Variants in SLC6A3 observed in about 807,000 individuals in gnomAD.
SLC6A3 encodes the protein sodium-dependent dopamine transporter.
SLC6A3 carries 19 observed loss-of-function variants against 70.4 expected under a neutral mutation model. That is an observed-to-expected ratio of 0.27 (90% confidence interval 0.19 to 0.40). SLC6A3 has a LOEUF of 0.40. SLC6A3 is among the 10% of genes least tolerant of loss of function. The pLI, the probability that SLC6A3 is intolerant of heterozygous loss-of-function variation, is 1.00. For synonymous variants in SLC6A3, 368 were observed against 356.6 expected (o/e 1.03, Z -0.36); for missense variants, 613 against 838.5 (o/e 0.73, Z 3.32).
intron 2 of SLC6A3, among the ~76,000 whole-genome samples, chr5:1,441,702 T>G (rs1393689414): frequency 6.6e-6 from 1 of 151,920 alleles, no homozygotes; most frequent in Non-Finnish European, 1.5e-5. Context: ...TGGATCCCCT[T>G]GTCATTGCGC....
rs369433177 is a variant in SLC6A3, at chr5:1,415,235, C to T, written c.1032-420G>A. Reference sequence around the variant, plus strand: ...TGAACTCCCAAGGGCGCTGGTGCTGCGGGCCTGGGGGCCCCACTCTGAGGG... The same window carrying T: ...TGAACTCCCAAGGGCGCTGGTGCTGTGGGCCTGGGGGCCCCACTCTGAGGG... On this transcript the variant is annotated intron_variant, in intron 7 of 14. Coordinates refer to ENST00000270349, the MANE Select transcript of SLC6A3 (RefSeq NM_001044.5). 4.6e-5 allele frequency among the ~76,000 whole-genome samples: 7 copies of T among 152,110 alleles called. No homozygotes were observed. The East Asian group carries it at 5.8e-4, about 13-fold the overall frequency.
chr5:1,428,367 G>C (rs1013397856), intron 4 of SLC6A3, among the ~76,000 whole-genome samples: 1 of 152,086 alleles, frequency 6.6e-6, no homozygotes, highest in African/African-American at 2.4e-5. Flanking sequence ...CAAATTAATA[G>C]CTTTAATTTA....
At position 1,413,933 on chromosome 5, in the gene SLC6A3, G is replaced by A. The variant is rs1473880722; in HGVS notation, c.1156+758C>T. ...CTCCATCCTGCCTGGCACACTTCTT[G>A]CTGTGGCCAAGGCCTCCCCCCACCA... On this transcript the variant is annotated intron_variant, in intron 8 of 14. Transcript: ENST00000270349. The surrounding 1 kb of genome is among the most constrained non-coding windows in gnomAD (Gnocchi z 7.1). Among the ~76,000 whole-genome samples the A allele has an allele frequency of 1.3e-5, 2 of 152,162 alleles. No homozygotes were observed. Among genetic ancestry groups the A allele is most frequent in the African/African-American group, 4.8e-5 (2 of 41,434 alleles).
rs998428009 is a variant in SLC6A3, at chr5:1,405,772, C to T, written c.1599+416G>A. On this transcript the variant is annotated intron_variant, in intron 12 of 14. Coordinates refer to ENST00000270349, the MANE Select transcript of SLC6A3 (RefSeq NM_001044.5). The surrounding 1 kb of genome is among the most constrained non-coding windows in gnomAD (Gnocchi z 5.3). ...AGGGAGGCTTGCGTGAGCAACGGGACAGGGCCGAGGCCCCTGCTGCTCTCA... is the reference window on the plus strand; with the variant it reads ...AGGGAGGCTTGCGTGAGCAACGGGATAGGGCCGAGGCCCCTGCTGCTCTCA... 5.3e-5 allele frequency among the ~76,000 whole-genome samples: 8 copies of T among 152,248 alleles called. No individual in the cohort carries two copies. Among genetic ancestry groups the T allele is most frequent in the African/African-American group, 1.9e-4 (8 of 41,476 alleles).
chr5:1,443,405 C>G (rs1335449911), intron 1 of SLC6A3, among the ~76,000 whole-genome samples, 163 bp from the exon 2 acceptor site: 1 of 152,210 alleles, frequency 6.6e-6, no homozygotes. Flanking sequence ...ACAGCTGGGG[C>G]ACGGGAGCTG....
Position 1,402,831 on chromosome 5 carries a change from C to G in SLC6A3, c.1767+91G>C. The G allele has an allele frequency of 7.6e-7, 1 of 1,320,990 alleles. No individual in the cohort carries two copies. The highest frequency in any genetic ancestry group is 1.1e-6 in the Non-Finnish European group (1 of 933,672). The allele number at this position is 1,320,990 out of a possible 1,614,324, so 81.8% of individuals were successfully genotyped here. ...GTCTCCTCCTCTTGGTCACAGATGA[C>G]CCAGGCAGGTGAGGACTGGGGCCAT... On this transcript the variant is annotated intron_variant, in intron 13 of 14. Coordinates refer to ENST00000270349, the MANE Select transcript of SLC6A3 (RefSeq NM_001044.5). This position sits in a 1 kb window ranked among gnomAD's most constrained non-coding sequence, Gnocchi z 8.5.
Position 1,411,446 on chromosome 5 carries a change from C to T in SLC6A3, c.1157-91G>A, listed in dbSNP as rs1560911071. ...CCCCGCCCCGAGAAGCATGGCCTGCCACAGGCCTGTAGAGACTAGGGCTGG... is the reference window on the plus strand; with the variant it reads ...CCCCGCCCCGAGAAGCATGGCCTGCTACAGGCCTGTAGAGACTAGGGCTGG... On this transcript the variant is annotated intron_variant, in intron 8 of 14. Transcript: ENST00000270349. This position sits in a 1 kb window ranked among gnomAD's most constrained non-coding sequence, Gnocchi z 6.5. 3 of 938,958 alleles carry T rather than the reference C, an allele frequency of 3.2e-6. No individual in the cohort carries two copies. 58.2% of individuals were successfully genotyped at this position (938,958 alleles called of 1,614,324 possible). A position where few individuals can be genotyped will look rare whatever the true frequency, so the allele number is the denominator to read the frequency against.
chr5:1,441,326 G>A lies in SLC6A3; in HGVS notation c.418+33C>T, dbSNP rs774687401. 4.3e-6 allele frequency: 7 copies of A among 1,613,876 alleles called. No homozygotes were observed. In the South Asian group the frequency reaches 6.6e-5, roughly 15 times the overall value. On this transcript the variant is annotated intron_variant, in intron 3 of 14. Transcript: ENST00000270349. ...CAGCGTCACCACCATGATCCGCGCT[G>A]CGCCAGGGTGAAGGGAGGCACCCGC...
intron 10 of SLC6A3, 92 bp from the exon 11 acceptor site, chr5:1,409,217 C>G (rs1756056746): frequency 2.1e-6 from 2 of 943,550 alleles, no homozygotes; most frequent in South Asian, 2.8e-5. Context: ...AATTGTTTCA[C>G]TCACTGCAAA....
intron 4 of SLC6A3, among the ~76,000 whole-genome samples, chr5:1,431,111 C>T (rs940320875): frequency 2.6e-5 from 4 of 152,262 alleles, no homozygotes; most frequent in African/African-American, 9.6e-5. Flanking sequence ...AAGAGTCCGC[C>T]TGTCAGAACG....
At position 1,409,721 on chromosome 5, in the gene SLC6A3, G is replaced by A. The variant is rs2270912; in HGVS notation, c.1398C>T (p.Asn466=). 1,590 of 1,613,260 alleles carry A rather than the reference G, an allele frequency of 9.9e-4. 8 individuals carry two copies. In the East Asian group the frequency reaches 0.016, roughly 16 times the overall value. ...AGGCGAAGCCGGCGATGGTACGTAC[G>A]TTGGTGACGCAGAACAGGGACAGGA... ...TFLLSLFCVT[N]GGIYVFTLLD... The change falls in exon 10 of 15, where the codon AAC becomes AAT. Residue 466 remains asparagine (N), a splice_region_variant and synonymous_variant. Coordinates refer to ENST00000270349, the MANE Select transcript of SLC6A3 (RefSeq NM_001044.5).
rs1021619267 is a variant in SLC6A3, at chr5:1,406,403, C to T, written c.1499-115G>A. On this transcript the variant is annotated intron_variant, in intron 11 of 14. Transcript: ENST00000270349. The surrounding 1 kb of genome is among the most constrained non-coding windows in gnomAD (Gnocchi z 8.8). ...GGCCCCACCTACCGGCCCCAGGCTTCGGCTGCACCCAGCCTCCTGCAGAGG... is the reference window on the plus strand; with the variant it reads ...GGCCCCACCTACCGGCCCCAGGCTTTGGCTGCACCCAGCCTCCTGCAGAGG... 25 of 895,016 alleles carry T rather than the reference C, an allele frequency of 2.8e-5. No homozygotes were observed. The highest frequency in any genetic ancestry group is 2.2e-4 in the Middle Eastern group (1 of 4,580). 55.4% of individuals were successfully genotyped at this position (895,016 alleles called of 1,614,324 possible). A position where few individuals can be genotyped will look rare whatever the true frequency, so the allele number is the denominator to read the frequency against.
chr5:1,407,822 T>C (rs1195832109), intron 11 of SLC6A3, among the ~76,000 whole-genome samples: 1 of 152,206 alleles, frequency 6.6e-6, no homozygotes, highest in Non-Finnish European at 1.5e-5. Context: ...GAAAACAATG[T>C]TCTCAGAATA....
chr5:1,441,694 G>T (rs1407103174), intron 2 of SLC6A3, among the ~76,000 whole-genome samples: 1 of 152,184 alleles, frequency 6.6e-6, no homozygotes, highest in Admixed American at 6.5e-5. Context: ...GTCCCTCCTG[G>T]ATCCCCTTGT....
chr5:1,416,020 G>T (rs1168317405), intron 7 of SLC6A3, 78 bp downstream of exon 7: 4 of 1,112,786 alleles, frequency 3.6e-6, no homozygotes, highest in African/African-American at 1.5e-5. Flanking sequence ...TTCTCATCCA[G>T]GGACACCCTA....
chr5:1,419,183 C>T (rs1756377917), intron 6 of SLC6A3, among the ~76,000 whole-genome samples: 1 of 151,038 alleles, frequency 6.6e-6, no homozygotes, highest in Admixed American at 6.6e-5. Context: ...TATCCAGCTA[C>T]CTACCTATCA....
rs529652281 is a variant in SLC6A3, at chr5:1,421,135, C to T, written c.793-432G>A. Among the ~76,000 whole-genome samples the T allele has an allele frequency of 6.6e-6, 1 of 151,250 alleles. No individual in the cohort carries two copies. The highest frequency in any genetic ancestry group is 1.5e-5 in the Non-Finnish European group (1 of 67,934). On this transcript the variant is annotated intron_variant, in intron 5 of 14. Coordinates refer to ENST00000270349, the MANE Select transcript of SLC6A3 (RefSeq NM_001044.5). This position sits in a 1 kb window ranked among gnomAD's most constrained non-coding sequence, Gnocchi z 7.2. ...ACACGCACTTTTCCAAGGGAGGAGT[C>T]GTATCTTGGTCAAAACTGGTTTTGG...
chr5:1,412,899 C>T (rs1213396837), intron 8 of SLC6A3, among the ~76,000 whole-genome samples: 1 of 152,216 alleles, frequency 6.6e-6, no homozygotes, highest in Non-Finnish European at 1.5e-5. Flanking sequence ...TGGATGGGGA[C>T]AGCCTCCGCG....
rs777892634 is a variant in SLC6A3 at position 1,413,813 on chromosome 5, C to T, written c.1156+878G>A. Among the ~76,000 whole-genome samples the T allele has an allele frequency of 1.1e-4, 17 of 152,198 alleles. No homozygotes were observed. Among genetic ancestry groups the T allele is most frequent in the East Asian group, 1.9e-4 (1 of 5,192 alleles). On this transcript the variant is annotated intron_variant, in intron 8 of 14. Transcript: ENST00000270349. The surrounding 1 kb of genome is among the most constrained non-coding windows in gnomAD (Gnocchi z 7.1). ...GGTTGGCCCAAGTTAGGGCTGCCAA[C>T]GCCACAGCTTTCCACTGCAAGCACC...
Sources: allele counts gnomAD v4.1 joint callset (sites outside exome capture counted in the v4.1 genomes callset), GRCh38; gene constraint gnomAD v4.1.1; non-coding constraint Gnocchi (gnomAD v3.1); transcripts MANE v1.5; gene names NCBI Gene and HGNC (gene_info 2026-07-23, HGNC 2026-07-21).